APOBEC1: variants seen among roughly 807,000 people sequenced by gnomAD.
The protein encoded by APOBEC1 is apolipoprotein B mRNA editing enzyme catalytic subunit 1.
APOBEC1 carries 22 observed loss-of-function variants against 26.3 expected under a neutral mutation model. That is an observed-to-expected ratio of 0.84 (90% CI 0.60 to 1.19). APOBEC1 has a LOEUF of 1.19. APOBEC1 is among the 50% of genes most tolerant of loss of function. The pLI is 0.00. For missense variants in APOBEC1, 253 were observed against 289.0 expected, an observed-to-expected ratio of 0.88 and a Z score of 0.90; for synonymous variants, 77 against 95.3, an observed-to-expected ratio of 0.81 and a Z score of 1.12.
chr12:7,655,841 C>T lies in APOBEC1; in HGVS notation c.17-1209G>A, dbSNP rs755804193. ...CCATTCCTACAAAATGTAAAATTAGCAGGGTGTGTTAGCACACACCTGTGG... is the reference window on the plus strand; with the variant it reads ...CCATTCCTACAAAATGTAAAATTAGTAGGGTGTGTTAGCACACACCTGTGG... On this transcript the variant is annotated intron_variant, in intron 1 of 4. Transcript: ENST00000229304. Among the ~76,000 whole-genome samples the T allele has an allele frequency of 1.3e-3, 195 of 152,180 alleles. 2 individuals are homozygous for T. Among genetic ancestry groups the T allele is most frequent in the African/African-American group, 4.6e-3 (192 of 41,538 alleles).
intron 1 of APOBEC1, among the ~76,000 whole-genome samples, chr12:7,662,894 G>T (rs1432190867): frequency 1.3e-5 from 2 of 152,132 alleles, no homozygotes; most frequent in African/African-American, 4.8e-5. Flanking sequence ...AGCAATGGAG[G>T]GGGTAAGCCA....
intron 3 of APOBEC1, among the ~76,000 whole-genome samples, chr12:7,651,530 C>T (rs963740127): frequency 4.7e-5 from 7 of 148,836 alleles, no homozygotes; most frequent in Non-Finnish European, 7.4e-5. Context: ...AGGAGAATGG[C>T]GTGAACCCCA....
At chr12:7,660,375 G>GAAAGAAAGAAAGAAAGAAAGAAA (rs1555094887) in intron 1 of APOBEC1, among the ~76,000 whole-genome samples, 8 of 23,962 alleles carry the variant, frequency 3.3e-4, no homozygotes, top group African/African-American at 1.0e-3. Flanking sequence ...AAGGAAGGAA[G>GAAAGAAAGAAAGAAAGAAAGAAA]GAAAGAAAGA....
At chr12:7,650,245 A>G (rs1863620430) in intron 4 of APOBEC1, among the ~76,000 whole-genome samples, 1 of 152,206 alleles carries the variant, frequency 6.6e-6, no homozygotes, top group African/African-American at 2.4e-5. Context: ...CAAGAACAAT[A>G]ATAATGATAA....
At chr12:7,659,130 A>T (rs1233412765) in intron 1 of APOBEC1, among the ~76,000 whole-genome samples, 2 of 149,146 alleles carry the variant, frequency 1.3e-5, no homozygotes, top group Non-Finnish European at 3.0e-5. Context: ...CCCTGTCTCT[A>T]CTAAAAATAC....
At chr12:7,668,108 G>C (rs1409788064), upstream of APOBEC1, among the ~76,000 whole-genome samples, 3 of 152,066 alleles carry the variant, frequency 2.0e-5, no homozygotes, top group African/African-American at 7.2e-5. Flanking sequence ...ATAAGAGGGA[G>C]GTAGAAGAGT....
intron 3 of APOBEC1, among the ~76,000 whole-genome samples, chr12:7,652,013 G>A (rs899215200): frequency 2.0e-5 from 3 of 152,018 alleles, no homozygotes; most frequent in South Asian, 2.1e-4. Flanking sequence ...TAGTAGAGAC[G>A]GGGTTTCACC....
intron 1 of APOBEC1, among the ~76,000 whole-genome samples, chr12:7,663,135 G>A (rs897301452): frequency 1.3e-5 from 2 of 152,124 alleles, no homozygotes; most frequent in South Asian, 2.1e-4. Context: ...ACCTTAACTC[G>A]CAGGTGCTAT....
chr12:7,660,737 T>C (rs1290682951), intron 1 of APOBEC1, among the ~76,000 whole-genome samples: 1 of 144,988 alleles, frequency 6.9e-6, no homozygotes, highest in Non-Finnish European at 1.5e-5. Flanking sequence ...GATGGAAAAC[T>C]ATACAGCTAT....
intron 4 of APOBEC1, 90 bp downstream of exon 4, chr12:7,650,933 A>G: frequency 1.1e-6 from 1 of 905,488 alleles, no homozygotes; most frequent in Non-Finnish European, 1.8e-6. Context: ...AAATGTCAAA[A>G]AGAAGATATG....
intron 4 of APOBEC1, 37 bp downstream of exon 4, chr12:7,650,986 T>C: frequency 6.9e-7 from 1 of 1,452,158 alleles, no homozygotes; most frequent in Non-Finnish European, 9.6e-7. Context: ...AGGATGCTTC[T>C]TTTTGCATCA....
At chr12:7,655,511 TAAAAAAAAA>T in intron 1 of APOBEC1, among the ~76,000 whole-genome samples, 1 of 139,778 alleles carries the variant, frequency 7.2e-6, no homozygotes, top group East Asian at 2.0e-4. Flanking sequence ...CAAGACTCCT[TAAAAAAAAA>T]AAAAGAAAGA....
At chr12:7,663,905 G>A (rs1355369432) in intron 1 of APOBEC1, among the ~76,000 whole-genome samples, 1 of 151,854 alleles carries the variant, frequency 6.6e-6, no homozygotes, top group African/African-American at 2.4e-5. Flanking sequence ...TGCCCAGGCT[G>A]GAGTGCAATG....
upstream of APOBEC1, among the ~76,000 whole-genome samples, chr12:7,668,477 T>C (rs1309978132): frequency 6.6e-6 from 1 of 152,206 alleles, no homozygotes; most frequent in African/African-American, 2.4e-5. Context: ...TGTTTTCTAC[T>C]AGAATGCCTA....
At chr12:7,649,722 A>G in intron 4 of APOBEC1, 26 bp from the exon 5 acceptor site, 1 of 1,486,890 alleles carries the variant, frequency 6.7e-7, no homozygotes, top group Non-Finnish European at 9.3e-7. Context: ...ATTATATTTA[A>G]TCCTTAGGAT....
intron 3 of APOBEC1, 52 bp downstream of exon 3, chr12:7,652,386 T>G (rs1863655239): frequency 1.3e-6 from 2 of 1,515,894 alleles, no homozygotes; most frequent in Non-Finnish European, 1.8e-6. Context: ...AAACAGCTAC[T>G]ATCACCACAG....
chr12:7,665,256 G>T (rs549503497), intron 1 of APOBEC1, among the ~76,000 whole-genome samples: 2 of 152,080 alleles, frequency 1.3e-5, no homozygotes, highest in Non-Finnish European at 2.9e-5. Context: ...CACGTCTGTT[G>T]TTACCTTAAA....
chr12:7,652,233 T>C (rs929356356), intron 3 of APOBEC1, among the ~76,000 whole-genome samples: 2 of 152,192 alleles, frequency 1.3e-5, no homozygotes, highest in Non-Finnish European at 2.9e-5. Context: ...TCTGGGATTA[T>C]AGGCATGAGC....
chr12:7,660,431 G>C (rs1295503955), intron 1 of APOBEC1, among the ~76,000 whole-genome samples: 1 of 120,978 alleles, frequency 8.3e-6, no homozygotes, highest in African/African-American at 3.1e-5. Context: ...TTTGGGCCAG[G>C]GACAGTGGCT....
Sources: gnomAD v4.1 joint callset for allele counts (sites outside exome capture counted in the v4.1 genomes callset) on GRCh38, gnomAD v4.1.1 for gene constraint, MANE v1.5 for transcripts, NCBI Gene and HGNC (gene_info 2026-07-23, HGNC 2026-07-21) for gene names.